DOCK4: variants seen among roughly 807,000 people sequenced by gnomAD.
DOCK4 encodes dedicator of cytokinesis 4.
In DOCK4, 97 loss-of-function variants were observed where a neutral mutation model predicts 268.1. The ratio of observed to expected loss-of-function variants is 0.36; its 90% CI spans 0.31 to 0.43. The LOEUF (loss-of-function observed/expected upper bound fraction) is 0.43. DOCK4 is among the 20% of genes least tolerant of loss of function. The probability of loss-of-function intolerance (pLI) is 1.00; values close to 1 mark genes in which losing one functional copy is unlikely to be tolerated. For synonymous variants in DOCK4, 954 were observed against 887.2 expected, an observed-to-expected ratio of 1.08 and a Z score of -1.34; for missense variants, 2,145 against 2,455.7, an observed-to-expected ratio of 0.87 and a Z score of 2.67.
chr7:111,935,491 G>A (rs1794667300), intron 12 of DOCK4, 49 bp downstream of exon 12: 1 of 1,529,966 alleles, frequency 6.5e-7, no homozygotes, highest in Non-Finnish European at 9.1e-7. Context: ...ACAAAAAAAA[G>A]GGCTTGGAAC....
chr7:111,981,191 T>C (rs1003773724), intron 7 of DOCK4, among the ~76,000 whole-genome samples: 3 of 152,208 alleles, frequency 2.0e-5, no homozygotes, highest in Non-Finnish European at 2.9e-5. Context: ...GTCCTCTGTG[T>C]TGGGCCATTT....
intron 1 of DOCK4, among the ~76,000 whole-genome samples, chr7:112,073,346 T>G (rs1184251809): frequency 6.6e-6 from 1 of 152,056 alleles, no homozygotes; most frequent in Non-Finnish European, 1.5e-5. Flanking sequence ...ATCCCCATGT[T>G]TACTGTCGCA....
chr7:111,891,351 G>T (rs1349384109), intron 16 of DOCK4, among the ~76,000 whole-genome samples: 1 of 152,008 alleles, frequency 6.6e-6, no homozygotes, highest in Non-Finnish European at 1.5e-5. Context: ...TATAAAAATG[G>T]TATTATACTA....
At chr7:111,732,724 C>G (rs1018350065) in intron 51 of DOCK4, among the ~76,000 whole-genome samples, 1 of 152,200 alleles carries the variant, frequency 6.6e-6, no homozygotes, top group Non-Finnish European at 1.5e-5. Flanking sequence ...CAGCCTGGAA[C>G]AGGTCTACGG....
chr7:112,055,203 C>T (rs1805704932), intron 1 of DOCK4, among the ~76,000 whole-genome samples: 1 of 152,108 alleles, frequency 6.6e-6, no homozygotes, highest in African/African-American at 2.4e-5. Flanking sequence ...AAATAATGAC[C>T]TAAAATACTT....
intron 1 of DOCK4, among the ~76,000 whole-genome samples, chr7:112,071,603 T>C (rs1164066004): frequency 6.6e-6 from 1 of 152,222 alleles, no homozygotes; most frequent in Non-Finnish European, 1.5e-5. Flanking sequence ...AGGAATGCCA[T>C]ACAAATTGTA....
chr7:112,093,988 A>C (rs1809877128), intron 1 of DOCK4, among the ~76,000 whole-genome samples: 1 of 152,078 alleles, frequency 6.6e-6, no homozygotes, highest in Non-Finnish European at 1.5e-5. Flanking sequence ...GAGCTTAGAT[A>C]TTATGAGACC....
chr7:112,022,679 C>T (rs1301914345), intron 1 of DOCK4, among the ~76,000 whole-genome samples: 2 of 152,320 alleles, frequency 1.3e-5, no homozygotes, highest in South Asian at 4.1e-4. Context: ...GTGTTCAGCA[C>T]AGTGATGAGC....
At chr7:112,075,799 A>G (rs1454732026) in intron 1 of DOCK4, among the ~76,000 whole-genome samples, 1 of 152,172 alleles carries the variant, frequency 6.6e-6, no homozygotes, top group African/African-American at 2.4e-5. Context: ...AAAAACTTAC[A>G]GAAATAAATA....
chr7:111,833,886 T>C (rs749129488), intron 26 of DOCK4, among the ~76,000 whole-genome samples: 2 of 152,314 alleles, frequency 1.3e-5, no homozygotes, highest in African/African-American at 2.4e-5. Flanking sequence ...ACAATTCTAA[T>C]ATGATGGTTT....
intron 1 of DOCK4, 129 bp from the exon 2 acceptor site, chr7:112,004,260 T>C (rs1800675737): frequency 1.5e-6 from 1 of 664,476 alleles, no homozygotes; most frequent in South Asian, 2.1e-5. Context: ...TCTGTCATAT[T>C]TTAATTTTAT....
intron 12 of DOCK4, among the ~76,000 whole-genome samples, chr7:111,926,183 G>A (rs909317371): frequency 7.0e-6 from 1 of 143,194 alleles, no homozygotes; most frequent in Non-Finnish European, 1.5e-5. Context: ...AAGGAAGGCG[G>A]GCAAGGTGGG....
At chr7:112,039,504 T>C (rs1804169665) in intron 1 of DOCK4, among the ~76,000 whole-genome samples, 1 of 152,114 alleles carries the variant, frequency 6.6e-6, no homozygotes, top group Non-Finnish European at 1.5e-5. Flanking sequence ...TTATACATTA[T>C]ACTTATCCTT....
intron 6 of DOCK4, among the ~76,000 whole-genome samples, chr7:111,986,349 C>T (rs1799053760): frequency 6.6e-6 from 1 of 152,194 alleles, no homozygotes; most frequent in African/African-American, 2.4e-5. Context: ...ATCTACAAGC[C>T]TTTTTCTCCC....
At chr7:112,131,392 T>C (rs377064064) in intron 1 of DOCK4, among the ~76,000 whole-genome samples, 3 of 152,132 alleles carry the variant, frequency 2.0e-5, no homozygotes, top group African/African-American at 7.2e-5. Context: ...GGGTAGATCC[T>C]TCACCCGTAT....
chr7:112,056,350 A>G lies in DOCK4; in HGVS notation c.38-52219T>C, dbSNP rs371588897. ...AAATTTCTCTGTAAAAAATAAGTGT[A>G]TGCTTTTAAATATGCTAAATGTACT... On this transcript the variant is annotated intron_variant, in intron 1 of 52. Transcript: ENST00000428084. Among the ~76,000 whole-genome samples, 3 of 152,218 alleles carry G rather than the reference A, an allele frequency of 2.0e-5. No homozygotes were observed. In the East Asian group the frequency reaches 5.8e-4, roughly 29 times the overall value.
chr7:112,148,313 A>T (rs1027554875), intron 1 of DOCK4, among the ~76,000 whole-genome samples: 13 of 152,182 alleles, frequency 8.5e-5, no homozygotes, highest in African/African-American at 3.1e-4. Context: ...GAGATGTCAG[A>T]AGAATGGCTT....
At chr7:111,743,804 T>C (rs569222659) in intron 44 of DOCK4, among the ~76,000 whole-genome samples, 3 of 152,278 alleles carry the variant, frequency 2.0e-5, no homozygotes, top group African/African-American at 7.2e-5. Flanking sequence ...CTCTGGAATG[T>C]TCTTAAAAAT....
chr7:111,968,271 C>G (rs1797406659), intron 8 of DOCK4, among the ~76,000 whole-genome samples: 1 of 69,492 alleles, frequency 1.4e-5, no homozygotes, highest in Admixed American at 1.4e-4. Flanking sequence ...AGTGAACAGG[C>G]AACCTACAAC....
Sources: gnomAD v4.1 joint callset for allele counts (sites outside exome capture counted in the v4.1 genomes callset) on GRCh38, gnomAD v4.1.1 for gene constraint, MANE v1.5 for transcripts, NCBI Gene and HGNC (gene_info 2026-07-23, HGNC 2026-07-21) for gene names.